CPNE4: variants seen among roughly 807,000 people sequenced by gnomAD.
CPNE4 encodes copine-4.
Under a neutral mutation model 67.9 loss-of-function variants are expected in CPNE4, and 25 were observed. The observed-to-expected ratio is 0.37, with a 90% CI of 0.27 to 0.51. CPNE4 has a LOEUF of 0.51. Ranked by LOEUF, CPNE4 falls within the 20% of genes least tolerant of loss-of-function variation. The pLI is 0.93. For missense variants in CPNE4, 464 were observed against 690.8 expected, an observed-to-expected ratio of 0.67 and a Z score of 3.68; for synonymous variants, 242 against 244.9, an observed-to-expected ratio of 0.99 and a Z score of 0.11.
rs540175420 is a variant in CPNE4, at chr3:131,533,637, A to G, written c.*1558T>C. ...TATTTATGATTTTTTCAGTCATACAATTTTACCATCATTCCCAAAATGTTG... is the reference window on the plus strand; with the variant it reads ...TATTTATGATTTTTTCAGTCATACAGTTTTACCATCATTCCCAAAATGTTG... On this transcript the variant is annotated 3_prime_UTR_variant, in exon 16 of 16. Transcript: ENST00000429747. 1.1e-4 allele frequency: 16 copies of G among 152,200 alleles called. No individual in the cohort carries two copies. Among genetic ancestry groups the G allele is most frequent in the Non-Finnish European group, 2.2e-4 (15 of 68,040 alleles). The allele number at this position is 152,200 out of a possible 1,614,324, so 9.4% of individuals were successfully genotyped here. A position where few individuals can be genotyped will look rare whatever the true frequency, so the allele number is the denominator to read the frequency against.
chr3:131,781,942 T>C (rs2107856302), intron 2 of CPNE4, among the ~76,000 whole-genome samples: 1 of 152,254 alleles, frequency 6.6e-6, no homozygotes, highest in Admixed American at 6.6e-5. Flanking sequence ...AAGTGTCTAC[T>C]GCTGATTTTG....
At chr3:131,680,291 C>T (rs1259843059) in intron 6 of CPNE4, among the ~76,000 whole-genome samples, 1 of 148,642 alleles carries the variant, frequency 6.7e-6, no homozygotes, top group Non-Finnish European at 1.5e-5. Context: ...AAATTTTCCT[C>T]CATCCCTTTA....
At chr3:131,921,432 T>C (rs2070737271) in intron 1 of CPNE4, among the ~76,000 whole-genome samples, 1 of 152,202 alleles carries the variant, frequency 6.6e-6, no homozygotes, top group African/African-American at 2.4e-5. Flanking sequence ...CAATACTTGA[T>C]CGTGTGCCAT....
chr3:131,549,029 A>C (rs1936026516), intron 14 of CPNE4, among the ~76,000 whole-genome samples: 1 of 152,090 alleles, frequency 6.6e-6, no homozygotes, highest in African/African-American at 2.4e-5. Flanking sequence ...GTACAAAGGG[A>C]AGTAGAAAAG....
At chr3:131,814,898 C>T (rs1444732060) in intron 2 of CPNE4, among the ~76,000 whole-genome samples, 1 of 136,418 alleles carries the variant, frequency 7.3e-6, no homozygotes, top group Non-Finnish European at 1.5e-5. Flanking sequence ...GCCACCGCGC[C>T]CGGCCTGAAA....
At chr3:131,855,666 G>A (rs1176189426) in intron 2 of CPNE4, among the ~76,000 whole-genome samples, 2 of 151,720 alleles carry the variant, frequency 1.3e-5, no homozygotes, top group African/African-American at 2.4e-5. Flanking sequence ...TGTTTTGATC[G>A]AAGTAGTTAT....
At chr3:131,641,043 A>T (rs2079527500) in intron 7 of CPNE4, among the ~76,000 whole-genome samples, 1 of 152,226 alleles carries the variant, frequency 6.6e-6, no homozygotes, top group Non-Finnish European at 1.5e-5. Context: ...CTTAAAACTA[A>T]GACCTGAATC....
At chr3:131,606,174 G>C (rs1440899903) in intron 7 of CPNE4, among the ~76,000 whole-genome samples, 1 of 152,146 alleles carries the variant, frequency 6.6e-6, no homozygotes, top group Non-Finnish European at 1.5e-5. Flanking sequence ...ACCACAAATG[G>C]GCAATGTGGG....
chr3:131,942,453 TGTGTGTGTGTGAGAGAGAGAGAGAGA>T (rs1429663762), intron 1 of CPNE4, among the ~76,000 whole-genome samples: 16 of 62,270 alleles, frequency 2.6e-4, no homozygotes, highest in African/African-American at 1.2e-3. Flanking sequence ...TGTGTGTGTG[TGTGTGTGTGTGAGAGAGAGAGAGAGA>T]GAGAGAGAGA....
chr3:131,923,098 T>G (rs769679800), intron 1 of CPNE4, among the ~76,000 whole-genome samples: 10 of 152,216 alleles, frequency 6.6e-5, no homozygotes, highest in Non-Finnish European at 1.5e-4. Flanking sequence ...TGGCAAGTTC[T>G]GTAAAGAAAT....
chr3:131,713,662 A>T (rs537788049), intron 3 of CPNE4, among the ~76,000 whole-genome samples: 1 of 152,206 alleles, frequency 6.6e-6, no homozygotes, highest in African/African-American at 2.4e-5. Flanking sequence ...GCAGATCAAG[A>T]CATAGGACTC....
Position 131,905,424 on chromosome 3 carries a change from A to T in CPNE4, c.20T>A (p.Ile7Asn). The change falls in exon 2 of 16, where the codon ATT becomes AAT. Residue 7 changes from isoleucine to asparagine, a missense_variant. This residue lies in a region of CPNE4 where 170 missense variants were observed against 203.3 expected (regional missense o/e 0.84). Transcript: ENST00000429747. MKKMSN[I>N]YESAANTLGI... Reference sequence around the variant, plus strand: ...CAGTGTGTTGGCAGCGGACTCATAAATGTTGCTCATCTTCTTCATTCTGTT... The same window carrying T: ...CAGTGTGTTGGCAGCGGACTCATAATTGTTGCTCATCTTCTTCATTCTGTT... The T allele has an allele frequency of 6.2e-7, 1 of 1,613,028 alleles. No individual in the cohort carries two copies. The highest frequency in any genetic ancestry group is 8.5e-7 in the Non-Finnish European group (1 of 1,179,480).
At chr3:131,705,688 G>C (rs775182929) in intron 3 of CPNE4, among the ~76,000 whole-genome samples, 1 of 152,096 alleles carries the variant, frequency 6.6e-6, no homozygotes, top group Admixed American at 6.6e-5. Context: ...AGAATAACAA[G>C]AGCAATAGGT....
intron 11 of CPNE4, among the ~76,000 whole-genome samples, chr3:131,558,579 G>C (rs1394217153): frequency 6.6e-6 from 1 of 151,920 alleles, no homozygotes; most frequent in Non-Finnish European, 1.5e-5. Context: ...TGAGTAAGCT[G>C]TCCTGACCTT....
At chr3:131,657,311 T>C (rs1315734223) in intron 7 of CPNE4, among the ~76,000 whole-genome samples, 1 of 152,200 alleles carries the variant, frequency 6.6e-6, no homozygotes, top group Non-Finnish European at 1.5e-5. Flanking sequence ...TAAACTAAAT[T>C]ATCCAAAATG....
At chr3:131,624,790 G>A (rs59296037) in intron 7 of CPNE4, among the ~76,000 whole-genome samples, 41,758 of 148,442 alleles carry the variant, frequency 0.28, 9,450 homozygotes, top group African/African-American at 0.63. Context: ...TATTTAAAAC[G>A]TGCTCTTTCC....
At position 131,959,031 on chromosome 3, in the gene CPNE4, C is replaced by T. The variant is rs1218898677; in HGVS notation, c.-1-53587G>A. On this transcript the variant is annotated intron_variant, in intron 1 of 15. Transcript: ENST00000429747. ...TTTTTTTTTTTTTGAGACGGAGTCT[C>T]GCTCTGTCGCCCAGGCTGGAGTGCA... 2.2e-4 allele frequency among the ~76,000 whole-genome samples: 3 copies of T among 13,850 alleles called. 1 individual carries two copies. The highest frequency in any genetic ancestry group is 4.0e-3 in the Admixed American group (2 of 506). The allele number at this position is 13,850 out of a possible 152,430, so 9.1% of individuals were successfully genotyped here. A position where few individuals can be genotyped will look rare whatever the true frequency, so the allele number is the denominator to read the frequency against.
chr3:131,867,546 C>T (rs1189572930), intron 2 of CPNE4, among the ~76,000 whole-genome samples: 1 of 152,056 alleles, frequency 6.6e-6, no homozygotes, highest in African/African-American at 2.4e-5. Context: ...CTTGAGAGGT[C>T]AATTCGTCCA....
intron 5 of CPNE4, among the ~76,000 whole-genome samples, chr3:131,689,864 G>A (rs780302789): frequency 2.6e-5 from 4 of 152,094 alleles, no homozygotes; most frequent in Admixed American, 1.3e-4. Context: ...CAAAGTTTCC[G>A]AATACAAAGT....
Sources: allele counts gnomAD v4.1 joint callset (sites outside exome capture counted in the v4.1 genomes callset), GRCh38; gene constraint gnomAD v4.1.1; regional missense constraint gnomAD v4.1.1; transcripts MANE v1.5; gene names NCBI Gene and HGNC (gene_info 2026-07-23, HGNC 2026-07-21).